Variants in MALRD1 observed in about 807,000 individuals in gnomAD.
The protein encoded by MALRD1 is MAM and LDL receptor class A domain containing 1, also known as MAM and LDL-receptor class A domain-containing protein 1.
MALRD1 carries 247 observed loss-of-function variants against 242.1 expected under a neutral mutation model. That is an observed-to-expected ratio of 1.02 (90% CI 0.92 to 1.13). The LOEUF is 1.13. Among genes scored for constraint, MALRD1 ranks in the 50% most tolerant of loss-of-function variants. MALRD1 has a pLI of 0.00. For missense variants in MALRD1, 2,989 were observed against 2,533.1 expected (o/e 1.18, Z -3.86); for synonymous variants, 995 against 866.6 (o/e 1.15, Z -2.60).
At chr10:19,296,995 G>A (rs1250198247) in intron 21 of MALRD1, among the ~76,000 whole-genome samples, 2 of 151,410 alleles carry the variant, frequency 1.3e-5, no homozygotes, top group East Asian at 3.9e-4. Context: ...TTGTTAGTAA[G>A]TCTGTGAAAT....
At chr10:19,583,091 T>C (rs1404862920) in intron 33 of MALRD1, among the ~76,000 whole-genome samples, 49 of 90,846 alleles carry the variant, frequency 5.4e-4, no homozygotes, top group African/African-American at 2.5e-3. Context: ...GAGACTTTGC[T>C]GAAGTTGCTT....
intron 33 of MALRD1, among the ~76,000 whole-genome samples, chr10:19,592,595 T>C (rs773750187): frequency 2.6e-5 from 4 of 152,130 alleles, no homozygotes; most frequent in Admixed American, 6.5e-5. Flanking sequence ...AATGGCGACC[T>C]TGAAAAGAAG....
At position 19,545,679 on chromosome 10, in the gene MALRD1, C is replaced by T. The variant is rs546917585; in HGVS notation, c.5478+14328C>T. On this transcript the variant is annotated intron_variant, in intron 32 of 39. Transcript: ENST00000454679. ...GGAAATTTAATGAGCCCTCATCATT[C>T]GTCACCTTAGGGAGATTTTCAGCTG... Among the ~76,000 whole-genome samples the T allele has an allele frequency of 5.1e-4, 78 of 152,224 alleles. 1 individual carries two copies. In the South Asian group the frequency reaches 0.015, roughly 30 times the overall value.
intron 32 of MALRD1, among the ~76,000 whole-genome samples, chr10:19,564,870 G>C (rs117051188): frequency 0.011 from 1,672 of 152,170 alleles, 15 homozygotes; most frequent in Non-Finnish European, 0.018. Context: ...TTGAAGGACA[G>C]AAATATATGC....
chr10:19,373,857 T>A (rs1175361681), intron 26 of MALRD1, among the ~76,000 whole-genome samples: 2 of 152,202 alleles, frequency 1.3e-5, no homozygotes, highest in African/African-American at 4.8e-5. Context: ...AATTTTCTCT[T>A]GGTTAGATTT....
At chr10:19,375,640 G>A (rs553301158) in intron 26 of MALRD1, among the ~76,000 whole-genome samples, 2 of 152,250 alleles carry the variant, frequency 1.3e-5, no homozygotes, top group Admixed American at 6.5e-5. Flanking sequence ...ATAACTGGTT[G>A]AGAACCATTG....
At chr10:19,731,219 A>T (rs185503414) in intron 39 of MALRD1, among the ~76,000 whole-genome samples, 5 of 152,294 alleles carry the variant, frequency 3.3e-5, no homozygotes, top group Non-Finnish European at 7.4e-5. Flanking sequence ...CCATTACCTG[A>T]TAACTTAGAA....
chr10:19,300,519 C>T (rs1372717808), intron 21 of MALRD1, among the ~76,000 whole-genome samples: 1 of 151,624 alleles, frequency 6.6e-6, no homozygotes, highest in African/African-American at 2.4e-5. Context: ...ACACATAGAC[C>T]AATAGAAGAG....
At chr10:19,337,036 G>T (rs1256836037) in intron 24 of MALRD1, among the ~76,000 whole-genome samples, 2 of 151,832 alleles carry the variant, frequency 1.3e-5, no homozygotes, top group East Asian at 1.9e-4. Flanking sequence ...AATATATATT[G>T]TGTGTGTATA....
upstream of MALRD1, among the ~76,000 whole-genome samples, chr10:19,046,949 C>T (rs79980591): frequency 0.053 from 8,004 of 152,150 alleles, 341 homozygotes; most frequent in East Asian, 0.15. Flanking sequence ...TAAGGCTGTG[C>T]TGGAGAGCAT....
intron 22 of MALRD1, among the ~76,000 whole-genome samples, chr10:19,326,262 G>C (rs1051999785): frequency 6.6e-6 from 1 of 152,000 alleles, no homozygotes; most frequent in Non-Finnish European, 1.5e-5. Context: ...TATTTGCCTG[G>C]AATATTGTGG....
At chr10:19,418,151 A>G (rs1052818133) in intron 28 of MALRD1, among the ~76,000 whole-genome samples, 6 of 151,686 alleles carry the variant, frequency 4.0e-5, no homozygotes, top group Non-Finnish European at 7.4e-5. Context: ...ACCTGTCTCT[A>G]TCTATCTATC....
At chr10:19,472,105 T>G (rs945741432) in intron 29 of MALRD1, among the ~76,000 whole-genome samples, 1 of 152,058 alleles carries the variant, frequency 6.6e-6, no homozygotes, top group African/African-American at 2.4e-5. Flanking sequence ...TTGACAAGTT[T>G]CATCATAAGA....
chr10:19,215,333 A>G (rs977536518), intron 18 of MALRD1, among the ~76,000 whole-genome samples: 2 of 152,240 alleles, frequency 1.3e-5, no homozygotes, highest in African/African-American at 4.8e-5. Flanking sequence ...AGCTGAACCA[A>G]TTAAGATGTC....
rs138478735 is a variant in MALRD1, at chr10:19,698,911, G to T, written c.6314+6357G>T. Reference sequence around the variant, plus strand: ...CTTTGCAGGGACATGGGTGAAGCTGGGAACCATTATTCTTAGCAAACTAAC... The same window carrying T: ...CTTTGCAGGGACATGGGTGAAGCTGTGAACCATTATTCTTAGCAAACTAAC... On this transcript the variant is annotated intron_variant, in intron 38 of 39. Transcript: ENST00000454679. 5.3e-5 allele frequency among the ~76,000 whole-genome samples: 8 copies of T among 152,210 alleles called. No individual in the cohort carries two copies. The East Asian group carries it at 1.5e-3, about 29-fold the overall frequency.
At chr10:19,541,118 A>G (rs550386463) in intron 32 of MALRD1, among the ~76,000 whole-genome samples, 11 of 152,306 alleles carry the variant, frequency 7.2e-5, no homozygotes, top group African/African-American at 2.4e-4. Flanking sequence ...GAGTGGCACT[A>G]TCAGTATTCT....
chr10:19,337,120 A>G (rs774050324), intron 24 of MALRD1, among the ~76,000 whole-genome samples: 3 of 152,068 alleles, frequency 2.0e-5, no homozygotes, highest in Non-Finnish European at 2.9e-5. Context: ...ACATATGTAT[A>G]TGTAAGTAAA....
At chr10:19,069,466 A>G (rs1590384534) in intron 2 of MALRD1, among the ~76,000 whole-genome samples, 2 of 152,000 alleles carry the variant, frequency 1.3e-5, no homozygotes, top group Admixed American at 6.6e-5. Flanking sequence ...TTCTTTTATC[A>G]TATTTATTAT....
intron 32 of MALRD1, among the ~76,000 whole-genome samples, chr10:19,548,622 T>G (rs1835350057): frequency 6.6e-6 from 1 of 152,078 alleles, no homozygotes; most frequent in South Asian, 2.1e-4. Context: ...TACTATTGTA[T>G]TTTTTTCTGG....
Sources: allele counts gnomAD v4.1 joint callset (sites outside exome capture counted in the v4.1 genomes callset), GRCh38; gene constraint gnomAD v4.1.1; transcripts MANE v1.5; gene names NCBI Gene and HGNC (gene_info 2026-07-23, HGNC 2026-07-21).